The following TBC1D9B variants were observed in gnomAD, a reference collection of about 807,000 sequenced individuals.
The protein encoded by TBC1D9B is TBC1 domain family, member 9B (with GRAM domain).
Under a neutral mutation model 121.1 loss-of-function variants are expected in TBC1D9B, and 87 were observed. The observed-to-expected ratio is 0.72, with a 90% CI of 0.60 to 0.86. TBC1D9B has a LOEUF of 0.86. Ranked by LOEUF, TBC1D9B falls within the 40% of genes least tolerant of loss-of-function variation. The pLI, the probability that TBC1D9B is intolerant of heterozygous loss-of-function variation, is 0.00. For missense variants in TBC1D9B, 1,540 were observed against 1,628.6 expected (o/e 0.95, Z 0.94); for synonymous variants, 668 against 670.1 (o/e 1.00, Z 0.05).
chr5:179,891,756 G>C lies in TBC1D9B; in HGVS notation c.837-170C>G, dbSNP rs1433994091. ...GGGACCTCAGAGTTCAATAAAAGAT[G>C]CATGCTGAGTGAGCAGGCAGAAGGT... On this transcript the variant is annotated intron_variant, in intron 5 of 20. Transcript: ENST00000355235. This position sits in a 1 kb window ranked among gnomAD's most constrained non-coding sequence, Gnocchi z 4.3. Among the ~76,000 whole-genome samples the C allele has an allele frequency of 2.6e-5, 4 of 152,200 alleles. No homozygotes were observed. Among genetic ancestry groups the C allele is most frequent in the Admixed American group, 2.0e-4 (3 of 15,290 alleles).
In TBC1D9B at chr5:179,878,535, C is replaced by T. The variant is rs751716108; in HGVS notation, c.1568-12G>A. On this transcript the variant is annotated splice_polypyrimidine_tract_variant and intron_variant, in intron 9 of 20. Coordinates refer to ENST00000355235, the MANE Select transcript of TBC1D9B (RefSeq NM_015043.4). ...CTCATTCCAGGCCCCTGGGGAGACA[C>T]GGGTGCCAGCTGTCTCTGTCCTTCT... The T allele has an allele frequency of 1.0e-5, 16 of 1,586,214 alleles. No individual in the cohort carries two copies. Among genetic ancestry groups the T allele is most frequent in the African/African-American group, 2.7e-5 (2 of 74,484 alleles).
chr5:179,904,780 C>T lies in TBC1D9B; in HGVS notation c.151G>A (p.Asp51Asn). Reference protein sequence around the residue: ...LLVGTLDVVLDSSARVAPYRI... With the variant: ...LLVGTLDVVLNSSARVAPYRI... ...TAAGGGGCCACGCGGGCACTGGAGT[C>T]CAGCACCACGTCCAGGGTGCCCACG... The change falls in exon 2 of 21, where the codon GAC becomes AAC. Residue 51 changes from aspartate (D) to asparagine (N), a missense_variant. Coordinates refer to ENST00000355235, the MANE Select transcript of TBC1D9B (RefSeq NM_015043.4). The surrounding 1 kb of genome is among the most constrained non-coding windows in gnomAD (Gnocchi z 4.2). 1 of 1,572,864 alleles carries T rather than the reference C, an allele frequency of 6.4e-7. No individual in the cohort carries two copies. The highest frequency in any genetic ancestry group is 1.3e-5 in the African/African-American group (1 of 74,236).
At position 179,905,388 on chromosome 5, in the gene TBC1D9B, A is replaced by G. The variant is rs1023702737; in HGVS notation, c.119-576T>C. 2.6e-5 allele frequency among the ~76,000 whole-genome samples: 4 copies of G among 152,218 alleles called. No individual in the cohort carries two copies. In the East Asian group the frequency reaches 7.7e-4, roughly 29 times the overall value. On this transcript the variant is annotated intron_variant, in intron 1 of 20. Transcript: ENST00000355235. ...AGAAAGATAATGTCTCCCCTTTGCC[A>G]TGACTCACTGATTTTTTATTACCGA...
chr5:179,877,661 T>A, intron 10 of TBC1D9B, among the ~76,000 whole-genome samples: 1 of 115,694 alleles, frequency 8.6e-6, no homozygotes, highest in Non-Finnish European at 1.7e-5. Context: ...TGAGATTCTA[T>A]CTCAAAAAAA....
Position 179,865,410 on chromosome 5 carries a change from G to C in TBC1D9B, c.2915-50C>G, listed in dbSNP as rs750793514. 1.9e-6 allele frequency: 3 copies of C among 1,551,932 alleles called. No homozygotes were observed. The highest frequency in any genetic ancestry group is 2.7e-6 in the Non-Finnish European group (3 of 1,124,370). On this transcript the variant is annotated intron_variant, in intron 19 of 20. Transcript: ENST00000355235. The surrounding 1 kb of genome is among the most constrained non-coding windows in gnomAD (Gnocchi z 5.1). ...AATCTTTGTCATGTGAGACGGCTGC[G>C]GGCTGACAGCAGGGAGAGGAAGAGT...
Position 179,872,879 on chromosome 5 carries a change from CTGGCA to C in TBC1D9B, c.2415+8_2415+12del. 1 of 1,546,030 alleles carries C rather than the reference CTGGCA, an allele frequency of 6.5e-7. No homozygotes were observed. The highest frequency in any genetic ancestry group is 8.8e-7 in the Non-Finnish European group (1 of 1,132,472). ...CCAGCCCAGCCCCTGCCCAGCCCTG[CTGGCA>C]CCCATACCACACTCCTCTTGGCCGT... On this transcript the variant is annotated splice_region_variant and intron_variant, in intron 14 of 20. Transcript: ENST00000355235.
In TBC1D9B at chr5:179,904,564, A is replaced by G; in HGVS notation, c.229+138T>C. Reference sequence around the variant, plus strand: ...CTAAGATGGAAGCGAAGGCTCCTCCACTTCCCTCTTGCAGCCTTGGGCTAT... The same window carrying G: ...CTAAGATGGAAGCGAAGGCTCCTCCGCTTCCCTCTTGCAGCCTTGGGCTAT... On this transcript the variant is annotated intron_variant, in intron 2 of 20. Transcript: ENST00000355235. This position sits in a 1 kb window ranked among gnomAD's most constrained non-coding sequence, Gnocchi z 4.2. 1.3e-6 allele frequency: 1 copy of G among 767,112 alleles called. No homozygotes were observed. The highest frequency in any genetic ancestry group is 1.7e-5 in the South Asian group (1 of 58,732). The allele number at this position is 767,112 out of a possible 1,614,324, so 47.5% of individuals were successfully genotyped here.
Position 179,904,699 on chromosome 5 carries a change from T to C in TBC1D9B, c.229+3A>G. On this transcript the variant is annotated splice_donor_region_variant and intron_variant, in intron 2 of 20. Coordinates refer to ENST00000355235, the MANE Select transcript of TBC1D9B (RefSeq NM_015043.4). The surrounding 1 kb of genome is among the most constrained non-coding windows in gnomAD (Gnocchi z 4.2). Reference sequence around the variant, plus strand: ...AGCACCCCTCACCACTCAGGGCACCTACCACACGCCACTGTCCAGTAGACC... The same window carrying C: ...AGCACCCCTCACCACTCAGGGCACCCACCACACGCCACTGTCCAGTAGACC... The C allele has an allele frequency of 6.4e-7, 1 of 1,562,520 alleles. No individual in the cohort carries two copies. The highest frequency in any genetic ancestry group is 8.7e-7 in the Non-Finnish European group (1 of 1,153,666).
chr5:179,870,559 G>C, intron 15 of TBC1D9B, 64 bp from the exon 16 acceptor site: 1 of 1,519,270 alleles, frequency 6.6e-7, no homozygotes, highest in Non-Finnish European at 8.8e-7. Context: ...GGACCCCTAG[G>C]CTGGTGGTGT....
chr5:179,875,937 T>C lies in TBC1D9B; in HGVS notation c.1883A>G (p.Tyr628Cys), dbSNP rs755584290. ...ACACTCACCCACCACCCTGGTGTTGTAGTAGTCGGGCAGCATGCGCTCGCA... is the reference window on the plus strand; with the variant it reads ...ACACTCACCCACCACCCTGGTGTTGCAGTAGTCGGGCAGCATGCGCTCGCA... ...ALCERMLPDY[Y>C]NTRVVGALVD... The change falls in exon 11 of 21, where the codon TAC (tyrosine) becomes TGC (cysteine). Residue 628 changes from tyrosine (Y) to cysteine (C), a missense_variant. Transcript: ENST00000355235. This position sits in a 1 kb window ranked among gnomAD's most constrained non-coding sequence, Gnocchi z 4.5. The C allele has an allele frequency of 6.2e-7, 1 of 1,608,056 alleles. No individual in the cohort carries two copies. Among genetic ancestry groups the C allele is most frequent in the Non-Finnish European group, 8.5e-7 (1 of 1,177,828 alleles).
At chr5:179,872,841 C>T (rs1408740342) in intron 14 of TBC1D9B, 51 bp downstream of exon 14, 1 of 1,571,252 alleles carries the variant, frequency 6.4e-7, no homozygotes, top group Admixed American at 1.7e-5. Flanking sequence ...GTGGGGAAGG[C>T]ACTGCTGCCC....
At chr5:179,898,528 A>C (rs1330314071) in intron 3 of TBC1D9B, among the ~76,000 whole-genome samples, 1 of 151,858 alleles carries the variant, frequency 6.6e-6, no homozygotes, top group East Asian at 1.9e-4. Flanking sequence ...AGCTCACTGC[A>C]ACCTCGGCCT....
intron 15 of TBC1D9B, 79 bp from the exon 16 acceptor site, chr5:179,870,574 A>G (rs1348023447): frequency 6.7e-7 from 1 of 1,493,654 alleles, no homozygotes; most frequent in Non-Finnish European, 8.9e-7. Context: ...TGGTGTGTCC[A>G]CCCTCCCCCT....
In TBC1D9B at chr5:179,863,635, C is replaced by A. The variant is rs763014066; in HGVS notation, c.3515G>T (p.Gly1172Val). 5.1e-5 allele frequency: 83 copies of A among 1,613,846 alleles called. No homozygotes were observed. The highest frequency in any genetic ancestry group is 6.4e-5 in the Non-Finnish European group (76 of 1,180,020). Residue 1172 changes from glycine (G) to valine (V), a missense_variant, in exon 21 of 21, where the codon GGC becomes GTC. Coordinates refer to ENST00000355235, the MANE Select transcript of TBC1D9B (RefSeq NM_015043.4). This position sits in a 1 kb window ranked among gnomAD's most constrained non-coding sequence, Gnocchi z 4.5. ...GEACSPTARIGGTVDTDWCIS... is the reference protein window; with the variant it reads ...GEACSPTARIVGTVDTDWCIS... ...GCACCAGTCGGTGTCGACGGTGCCGCCGATGCGCGCTGTGGGGCTGCAGGC... is the reference window on the plus strand; with the variant it reads ...GCACCAGTCGGTGTCGACGGTGCCGACGATGCGCGCTGTGGGGCTGCAGGC...
intron 4 of TBC1D9B, 127 bp downstream of exon 4, chr5:179,894,259 C>T (rs973981099): frequency 2.2e-5 from 20 of 899,906 alleles, no homozygotes; most frequent in Middle Eastern, 3.4e-4. Context: ...CATCTTGGGC[C>T]GCTAAGGTGG....
In TBC1D9B at chr5:179,865,422, G is replaced by T; in HGVS notation, c.2915-62C>A. 6.7e-7 allele frequency: 1 copy of T among 1,492,634 alleles called. No homozygotes were observed. Among genetic ancestry groups the T allele is most frequent in the Non-Finnish European group, 9.3e-7 (1 of 1,070,712 alleles). The allele number at this position is 1,492,634 out of a possible 1,614,324, so 92.5% of individuals were successfully genotyped here. A position where few individuals can be genotyped will look rare whatever the true frequency, so the allele number is the denominator to read the frequency against. On this transcript the variant is annotated intron_variant, in intron 19 of 20. Transcript: ENST00000355235. This position sits in a 1 kb window ranked among gnomAD's most constrained non-coding sequence, Gnocchi z 5.1. ...GTGAGACGGCTGCGGGCTGACAGCA[G>T]GGAGAGGAAGAGTTGGGTGTTTTCT... is the stretch of plus-strand genomic sequence containing the variant.
In TBC1D9B at chr5:179,864,027, C is replaced by A; in HGVS notation, c.3123G>T (p.Leu1041=). The A allele has an allele frequency of 6.2e-7, 1 of 1,613,790 alleles. No individual in the cohort carries two copies. Among genetic ancestry groups the A allele is most frequent in the Non-Finnish European group, 8.5e-7 (1 of 1,180,038 alleles). ...YHAIATVASL[L]LRIGEVGKKF... is the part of the protein sequence containing the mutation. Reference sequence around the variant, plus strand: ...TCTTCCCCACCTCTCCGATGCGGAGCAGGAGGCTGGCCACGGTGGCGATGG... The same window carrying A: ...TCTTCCCCACCTCTCCGATGCGGAGAAGGAGGCTGGCCACGGTGGCGATGG... The change falls in exon 21 of 21, where the codon CTG becomes CTT. Residue 1041 remains leucine, a synonymous_variant. Transcript: ENST00000355235.
At chr5:179,867,662 G>A (rs1000046447) in intron 18 of TBC1D9B, 116 bp downstream of exon 18, 19 of 1,524,464 alleles carry the variant, frequency 1.2e-5, no homozygotes, top group Non-Finnish European at 1.6e-5. Context: ...AGAACCCCAT[G>A]CGGCCTGCTC....
At chr5:179,892,599 G>A (rs1166464723) in intron 5 of TBC1D9B, among the ~76,000 whole-genome samples, 1 of 152,234 alleles carries the variant, frequency 6.6e-6, no homozygotes, top group Non-Finnish European at 1.5e-5. Flanking sequence ...CCCCTGGACA[G>A]GGCAGCAGGG....
Sources: allele counts gnomAD v4.1 joint callset (sites outside exome capture counted in the v4.1 genomes callset), GRCh38; gene constraint gnomAD v4.1.1; non-coding constraint Gnocchi (gnomAD v3.1); transcripts MANE v1.5; gene names NCBI Gene and HGNC (gene_info 2026-07-23, HGNC 2026-07-21).